VPS8: variants seen among roughly 807,000 people sequenced by gnomAD.
The protein encoded by VPS8 is VPS8 subunit of CORVET complex, also known as vacuolar protein sorting-associated protein 8 homolog.
VPS8 carries 129 observed loss-of-function variants against 216.4 expected under a neutral mutation model. The ratio of observed to expected loss-of-function variants is 0.60; its 90% CI spans 0.52 to 0.69. VPS8 has a LOEUF of 0.69. VPS8 is among the 30% of genes least tolerant of loss of function. VPS8 has a pLI of 0.00. For synonymous variants in VPS8, 571 were observed against 565.4 expected (o/e 1.01, Z -0.14); for missense variants, 1,531 against 1,683.5 (o/e 0.91, Z 1.59).
intron 7 of VPS8, chr3:184,840,031 C>A: frequency 1.6e-6 from 1 of 637,310 alleles, no homozygotes; most frequent in Non-Finnish European, 2.1e-6. Flanking sequence ...TTGAAGGGAA[C>A]CTTGGGTTAT....
chr3:185,038,397 T>G (rs1447082170), intron 46 of VPS8, among the ~76,000 whole-genome samples: 1 of 152,252 alleles, frequency 6.6e-6, no homozygotes, highest in Non-Finnish European at 1.5e-5. Context: ...AATTGCAGTT[T>G]CTTTTAAGTA....
chr3:184,850,824 A>G (rs1724114080), intron 10 of VPS8, among the ~76,000 whole-genome samples: 2 of 152,076 alleles, frequency 1.3e-5, no homozygotes, highest in Admixed American at 6.5e-5. Flanking sequence ...TGGAGTTTGT[A>G]TGTCTGTATC....
At chr3:184,918,112 A>G (rs1324318205) in intron 28 of VPS8, among the ~76,000 whole-genome samples, 1 of 152,228 alleles carries the variant, frequency 6.6e-6, no homozygotes, top group Middle Eastern at 3.2e-3. Flanking sequence ...AAATTAGGGC[A>G]GTGGCAGTAG....
intron 21 of VPS8, among the ~76,000 whole-genome samples, chr3:184,885,660 G>A (rs369626431): frequency 4.1e-4 from 63 of 152,136 alleles, no homozygotes; most frequent in Non-Finnish European, 7.4e-4. Context: ...TCTGTGAGAC[G>A]AATGCATATT....
At chr3:184,946,972 G>C (rs1743789962) in intron 36 of VPS8, among the ~76,000 whole-genome samples, 1 of 152,066 alleles carries the variant, frequency 6.6e-6, no homozygotes, top group Non-Finnish European at 1.5e-5. Flanking sequence ...GTTCAAAAGT[G>C]TCTCTCTCAA....
Position 184,996,417 on chromosome 3 carries a change from T to C in VPS8, c.3752T>C (p.Leu1251Pro). 1 of 1,613,930 alleles carries C rather than the reference T, an allele frequency of 6.2e-7. No individual in the cohort carries two copies. Among genetic ancestry groups the C allele is most frequent in the Non-Finnish European group, 8.5e-7 (1 of 1,179,842 alleles). ...CTGAGAGCTTCGGTCACCAGAGGAC[T>C]GAATCCCAAACAAGATTACTGCTCT... ...CNLRASVTRG[L>P]NPKQDYCSIC... is the part of the protein sequence containing the mutation. The change falls in exon 44 of 48, where the codon CTG becomes CCG. Residue 1251 changes from leucine to proline, a missense_variant. This residue lies in a region of VPS8 where 1,318 missense variants were observed against 1,468.4 expected (regional missense o/e 0.90). Transcript: ENST00000625842.
In VPS8 at chr3:184,915,395, C is replaced by G. The variant is rs1390525916; in HGVS notation, c.2303C>G (p.Ser768Cys). The G allele has an allele frequency of 6.2e-7, 1 of 1,613,850 alleles. No individual in the cohort carries two copies. Among genetic ancestry groups the G allele is most frequent in the Non-Finnish European group, 8.5e-7 (1 of 1,179,886 alleles). ...FLIRLHSAEA[S>C]PEEEIYPYIR... ...ATTCGCCTGCATTCAGCAGAGGCTT[C>G]TCCTGAGGAAGAAATCTATCCTTAC... The change falls in exon 28 of 48, where the codon TCT becomes TGT. Residue 768 changes from serine to cysteine, a missense_variant. Around this residue, in one of 3 missense-constraint regions of VPS8, gnomAD observed 1,318 missense variants for 1,468.4 expected, o/e 0.90. Coordinates refer to ENST00000625842, the MANE Select transcript of VPS8 (RefSeq NM_001009921.3).
chr3:184,868,998 C>A lies in VPS8; in HGVS notation c.1559C>A (p.Ala520Glu). Reference protein sequence around the residue: ...QDCLTEALALAWSFHEGKAKA... With the variant: ...QDCLTEALALEWSFHEGKAKA... ...TGTCTTACAGAAGCGTTGGCTCTTG[C>A]GTGGTCTTTCCATGAAGGAAAAGCA... Residue 520 changes from alanine to glutamate, a missense_variant, in exon 19 of 48, where the codon GCG (alanine) becomes GAG (glutamate). By Grantham distance (107) the Ala-to-Glu change is moderately radical. Around this residue, in one of 3 missense-constraint regions of VPS8, gnomAD observed 1,318 missense variants for 1,468.4 expected, o/e 0.90. Coordinates refer to ENST00000625842, the MANE Select transcript of VPS8 (RefSeq NM_001009921.3). The A allele has an allele frequency of 6.2e-7, 1 of 1,610,232 alleles. No homozygotes were observed. The highest frequency in any genetic ancestry group is 8.5e-7 in the Non-Finnish European group (1 of 1,178,352).
At chr3:184,929,131 C>T (rs1005605791) in intron 32 of VPS8, among the ~76,000 whole-genome samples, 1 of 152,164 alleles carries the variant, frequency 6.6e-6, no homozygotes, top group Non-Finnish European at 1.5e-5. Flanking sequence ...GGCAAATACT[C>T]ATCTCCCTTA....
At chr3:184,864,536 A>C (rs545223980) in intron 16 of VPS8, among the ~76,000 whole-genome samples, 1 of 152,204 alleles carries the variant, frequency 6.6e-6, no homozygotes, top group Non-Finnish European at 1.5e-5. Flanking sequence ...AACCGTATCT[A>C]GTGCTCACAC....
chr3:184,940,828 G>T (rs2109325247), intron 36 of VPS8, among the ~76,000 whole-genome samples: 1 of 152,366 alleles, frequency 6.6e-6, no homozygotes, highest in Middle Eastern at 3.4e-3. Context: ...TGCTGCATAT[G>T]AGGTTTTAAA....
chr3:184,834,981 A>G, intron 5 of VPS8: 3 of 350,404 alleles, frequency 8.6e-6, no homozygotes, highest in Non-Finnish European at 5.1e-6. Context: ...TGCCTAAATG[A>G]AATATGGCAG....
At chr3:184,862,179 T>G (rs1416048525) in intron 15 of VPS8, among the ~76,000 whole-genome samples, 1 of 152,228 alleles carries the variant, frequency 6.6e-6, no homozygotes, top group Non-Finnish European at 1.5e-5. Context: ...TTCTGGCGAC[T>G]TCTGAATTCT....
In VPS8 at chr3:185,019,329, G is replaced by A. The variant is rs147855586; in HGVS notation, c.4003-5007G>A. Among the ~76,000 whole-genome samples, 1,001 of 151,860 alleles carry A rather than the reference G, an allele frequency of 6.6e-3. 1 individual carries two copies. The highest frequency in any genetic ancestry group is 0.01 in the Non-Finnish European group (697 of 67,968). ...TCGGTCAGGGAGACCCTAACCCAGC[G>A]GCACTAGAGGAATTAAAGACACACA... On this transcript the variant is annotated intron_variant, in intron 45 of 47. Transcript: ENST00000625842.
chr3:185,026,973 T>G (rs1433291158), intron 46 of VPS8, among the ~76,000 whole-genome samples: 1 of 151,908 alleles, frequency 6.6e-6, no homozygotes, highest in Non-Finnish European at 1.5e-5. Context: ...CCTCCCAAAG[T>G]GCTGGGATTA....
chr3:184,914,499 A>G (rs1202790794), intron 26 of VPS8, among the ~76,000 whole-genome samples: 1 of 152,110 alleles, frequency 6.6e-6, no homozygotes, highest in Non-Finnish European at 1.5e-5. Context: ...TTCAGATTCT[A>G]ATTCTCCCCG....
intron 46 of VPS8, among the ~76,000 whole-genome samples, chr3:185,026,410 C>CTTTTTT (rs3045678): frequency 2.5e-5 from 3 of 119,122 alleles, no homozygotes; most frequent in Non-Finnish European, 3.4e-5. Context: ...GGCTGTATTT[C>CTTTTTT]TTTTTTTTTT....
At chr3:184,971,821 T>C (rs1474999310) in intron 40 of VPS8, 69 bp downstream of exon 40, 1 of 1,337,292 alleles carries the variant, frequency 7.5e-7, no homozygotes, top group Non-Finnish European at 1.1e-6. Context: ...ACGTCTGTAA[T>C]CCCAGCACTT....
At chr3:185,028,031 T>C (rs1757630504) in intron 46 of VPS8, among the ~76,000 whole-genome samples, 1 of 152,206 alleles carries the variant, frequency 6.6e-6, no homozygotes, top group Admixed American at 6.5e-5. Flanking sequence ...TAAAAATATT[T>C]CCATTTTTTA....
Sources: gnomAD v4.1 joint callset for allele counts (sites outside exome capture counted in the v4.1 genomes callset) on GRCh38, gnomAD v4.1.1 for gene constraint, gnomAD v4.1.1 regional missense constraint, MANE v1.5 for transcripts, NCBI Gene and HGNC (gene_info 2026-07-23, HGNC 2026-07-21) for gene names.